The following ARHGAP15 variants were observed in gnomAD, a reference collection of about 807,000 sequenced individuals.
The protein encoded by ARHGAP15 is rho GTPase-activating protein 15.
In ARHGAP15, 51 loss-of-function variants were observed where a neutral mutation model predicts 63.7. That is an observed-to-expected ratio of 0.80 (90% CI 0.64 to 1.01). The LOEUF (loss-of-function observed/expected upper bound fraction) is 1.01, where lower values mean the gene tolerates loss of function less well. ARHGAP15 is among the 50% of genes least tolerant of loss of function. ARHGAP15 has a pLI of 0.00. For missense variants in ARHGAP15, 560 were observed against 564.6 expected, an observed-to-expected ratio of 0.99 and a Z score of 0.08; for synonymous variants, 191 against 193.8, an observed-to-expected ratio of 0.99 and a Z score of 0.12.
intron 1 of ARHGAP15, among the ~76,000 whole-genome samples, chr2:143,152,169 G>A (rs573116559): frequency 1.1e-4 from 17 of 152,066 alleles, no homozygotes; most frequent in African/African-American, 1.4e-4. Flanking sequence ...AAAGATAAGC[G>A]AGATGATCAG....
chr2:143,216,447 T>G lies in ARHGAP15; in HGVS notation c.296+2T>G. The G allele has an allele frequency of 2.5e-6, 4 of 1,596,056 alleles. No individual in the cohort carries two copies. Among genetic ancestry groups the G allele is most frequent in the Non-Finnish European group, 3.4e-6 (4 of 1,167,842 alleles). On this transcript the variant is annotated splice_donor_variant, in intron 4 of 13. Coordinates refer to ENST00000295095, the MANE Select transcript of ARHGAP15 (RefSeq NM_018460.4). LOFTEE classifies it high-confidence loss of function. ...TGCAGATGGAGGAAAGAAACTAAGGTAATAAAATTCTTTAATTCACTTTTA... is the reference window on the plus strand; with the variant it reads ...TGCAGATGGAGGAAAGAAACTAAGGGAATAAAATTCTTTAATTCACTTTTA...
At chr2:143,415,953 A>G (rs542144739) in intron 6 of ARHGAP15, among the ~76,000 whole-genome samples, 31 of 152,252 alleles carry the variant, frequency 2.0e-4, no homozygotes, top group Non-Finnish European at 3.4e-4. Flanking sequence ...AAATGACACA[A>G]TGGACTTTGG....
chr2:143,730,270 GTTC>G (rs1395737031), intron 13 of ARHGAP15, among the ~76,000 whole-genome samples: 4 of 152,146 alleles, frequency 2.6e-5, no homozygotes, highest in African/African-American at 9.7e-5. Context: ...ATCCTCTACT[GTTC>G]TTCATTGTCC....
At chr2:143,226,045 A>G (rs1352041243) in intron 4 of ARHGAP15, among the ~76,000 whole-genome samples, 4 of 152,256 alleles carry the variant, frequency 2.6e-5, no homozygotes, top group Non-Finnish European at 5.9e-5. Flanking sequence ...AATTCAAAAC[A>G]AAGTAGCACC....
chr2:143,159,539 T>G (rs1343278417), intron 2 of ARHGAP15, among the ~76,000 whole-genome samples: 8 of 151,948 alleles, frequency 5.3e-5, no homozygotes, highest in Non-Finnish European at 2.9e-5. Flanking sequence ...TTGATAAGAC[T>G]TGGCATCTCA....
chr2:143,645,219 G>C (rs150010852), intron 12 of ARHGAP15, among the ~76,000 whole-genome samples: 47 of 152,136 alleles, frequency 3.1e-4, no homozygotes, highest in African/African-American at 9.4e-4. Context: ...AATCTTTAAA[G>C]TAAATGAAAC....
chr2:143,548,366 A>T (rs1322211383), intron 10 of ARHGAP15, among the ~76,000 whole-genome samples: 2 of 152,026 alleles, frequency 1.3e-5, no homozygotes, highest in Non-Finnish European at 2.9e-5. Context: ...GTATATACAT[A>T]TACATATATA....
intron 13 of ARHGAP15, among the ~76,000 whole-genome samples, chr2:143,734,180 G>GGCA (rs1467801122): frequency 6.6e-6 from 1 of 152,076 alleles, no homozygotes; most frequent in African/African-American, 2.4e-5. Flanking sequence ...GATAGCCAGG[G>GGCA]GCAGCAGCAA....
chr2:143,664,015 T>A (rs1681998487), intron 12 of ARHGAP15, among the ~76,000 whole-genome samples: 1 of 150,376 alleles, frequency 6.6e-6, no homozygotes, highest in Non-Finnish European at 1.5e-5. Flanking sequence ...AGACAGAAAG[T>A]CAACAAGGAT....
chr2:143,730,454 G>A (rs567916541), intron 13 of ARHGAP15, among the ~76,000 whole-genome samples: 3 of 152,106 alleles, frequency 2.0e-5, no homozygotes, highest in Non-Finnish European at 4.4e-5. Flanking sequence ...ATTCCGTATT[G>A]GACAATGTTG....
intron 2 of ARHGAP15, among the ~76,000 whole-genome samples, chr2:143,180,076 A>G (rs778444871): frequency 6.6e-6 from 1 of 152,192 alleles, no homozygotes. Context: ...ATGTTTTGAA[A>G]TAAGTCCACA....
At chr2:143,664,044 G>A (rs1347867526) in intron 12 of ARHGAP15, among the ~76,000 whole-genome samples, 1 of 151,098 alleles carries the variant, frequency 6.6e-6, no homozygotes, top group Non-Finnish European at 1.5e-5. Flanking sequence ...ATTGAACTCA[G>A]CTCTGCACCA....
chr2:143,329,686 C>T (rs760144025), intron 6 of ARHGAP15, among the ~76,000 whole-genome samples: 17 of 152,124 alleles, frequency 1.1e-4, no homozygotes, highest in South Asian at 4.1e-4. Context: ...ACAACTAGTA[C>T]GTAAAGTTAT....
intron 8 of ARHGAP15, among the ~76,000 whole-genome samples, chr2:143,471,686 G>A (rs879455556): frequency 1.3e-5 from 2 of 152,116 alleles, no homozygotes; most frequent in Non-Finnish European, 2.9e-5. Flanking sequence ...TCAGGTCAGA[G>A]GAAGAAGCAT....
chr2:143,422,600 C>T (rs886590616), intron 6 of ARHGAP15, among the ~76,000 whole-genome samples: 3 of 152,110 alleles, frequency 2.0e-5, no homozygotes, highest in Admixed American at 6.6e-5. Context: ...TGGATGATTG[C>T]TGAATACACT....
At chr2:143,491,294 G>A (rs1692570119) in intron 9 of ARHGAP15, among the ~76,000 whole-genome samples, 1 of 152,154 alleles carries the variant, frequency 6.6e-6, no homozygotes, top group South Asian at 2.1e-4. Flanking sequence ...CAGCTCTTTA[G>A]TTTTAGCCAG....
intron 13 of ARHGAP15, among the ~76,000 whole-genome samples, chr2:143,761,835 A>G (rs1686769951): frequency 6.6e-6 from 1 of 152,130 alleles, no homozygotes; most frequent in South Asian, 2.1e-4. Context: ...GACAAAAGGT[A>G]GCACTCACAT....
At chr2:143,692,120 A>G (rs201935568) in intron 12 of ARHGAP15, among the ~76,000 whole-genome samples, 1 of 152,224 alleles carries the variant, frequency 6.6e-6, no homozygotes, top group East Asian at 1.9e-4. Flanking sequence ...CTCTCATGGT[A>G]AGAATTGAAG....
At chr2:143,698,949 A>G (rs1379162602) in intron 12 of ARHGAP15, among the ~76,000 whole-genome samples, 1 of 152,152 alleles carries the variant, frequency 6.6e-6, no homozygotes, top group East Asian at 1.9e-4. Flanking sequence ...TCATAATGAG[A>G]AAAACATATG....
Sources: allele counts gnomAD v4.1 joint callset (sites outside exome capture counted in the v4.1 genomes callset), GRCh38; gene constraint gnomAD v4.1.1; transcripts MANE v1.5; gene names NCBI Gene and HGNC (gene_info 2026-07-23, HGNC 2026-07-21).